DOT1L: variants seen among roughly 807,000 people sequenced by gnomAD.
DOT1L encodes the protein DOT1 like histone lysine methyltransferase.
DOT1L carries 33 observed loss-of-function variants against 153.3 expected under a neutral mutation model. That is an observed-to-expected ratio of 0.22 (90% CI 0.16 to 0.29). The LOEUF is 0.29. Ranked by LOEUF, DOT1L falls within the 10% of genes least tolerant of loss-of-function variation. The probability of loss-of-function intolerance (pLI) is 1.00; values close to 1 mark genes in which losing one functional copy is unlikely to be tolerated. For missense variants in DOT1L, 1,847 were observed against 2,119.9 expected, an observed-to-expected ratio of 0.87 and a Z score of 2.53; for synonymous variants, 1,135 against 965.1, an observed-to-expected ratio of 1.18 and a Z score of -3.26.
At chr19:2,176,415 A>T (rs541359127) in intron 1 of DOT1L, among the ~76,000 whole-genome samples, 3 of 152,324 alleles carry the variant, frequency 2.0e-5, no homozygotes, top group Admixed American at 2.0e-4. Flanking sequence ...GGAGTTGCAG[A>T]GCGAGTTCAC....
intron 27 of DOT1L, 155 bp from the exon 28 acceptor site, chr19:2,229,630 G>A (rs2024513111): frequency 1.0e-6 from 1 of 985,350 alleles, no homozygotes. Flanking sequence ...GTCGTCTGTT[G>A]TGGTTAGAGG....
chr19:2,227,258 G>A (rs1388211924), intron 27 of DOT1L, 131 bp downstream of exon 27: 5 of 1,203,074 alleles, frequency 4.2e-6, no homozygotes, highest in Admixed American at 3.4e-5. Flanking sequence ...GCCGGCCCCC[G>A]CCATCCGTGC....
chr19:2,210,634 A>G lies in DOT1L; in HGVS notation c.1130A>G (p.Glu377Gly), dbSNP rs752644289. 3.8e-5 allele frequency: 61 copies of G among 1,612,502 alleles called. No homozygotes were observed. Among genetic ancestry groups the G allele is most frequent in the Non-Finnish European group, 4.7e-5 (56 of 1,179,790 alleles). ...TGTGTCCTCCAGGACTCTGGTGCTG[A>G]GGAAGAGAAGGCGGGAGCAGCCACC... ...PADAPMDSGA[E>G]EEKAGAATVK... Residue 377 changes from glutamate (E) to glycine (G), a missense_variant, in exon 14 of 28, where the codon GAG becomes GGG. Physicochemically the swap from Glu to Gly is moderately conservative, Grantham distance 98. Transcript: ENST00000398665.
chr19:2,200,971 C>G lies in DOT1L; in HGVS notation c.707+1032C>G, dbSNP rs34439035. 3.5e-3 allele frequency among the ~76,000 whole-genome samples: 479 copies of G among 136,306 alleles called. 1 individual carries two copies. Among genetic ancestry groups the G allele is most frequent in the East Asian group, 0.015 (63 of 4,254 alleles). 89.4% of individuals were successfully genotyped at this position (136,306 alleles called of 152,430 possible). On this transcript the variant is annotated intron_variant, in intron 8 of 27. Coordinates refer to ENST00000398665, the MANE Select transcript of DOT1L (RefSeq NM_032482.3). ...CCTCGTCCTCCCCGCATTCCTCGTCCTCCCCTCATTCCTCGTCGTCCCCTC... is the reference window on the plus strand; with the variant it reads ...CCTCGTCCTCCCCGCATTCCTCGTCGTCCCCTCATTCCTCGTCGTCCCCTC...
chr19:2,217,671 G>T lies in DOT1L; in HGVS notation c.2545-101G>T. On this transcript the variant is annotated intron_variant, in intron 21 of 27. Coordinates refer to ENST00000398665, the MANE Select transcript of DOT1L (RefSeq NM_032482.3). This position sits in a 1 kb window ranked among gnomAD's most constrained non-coding sequence, Gnocchi z 7.3. ...GCAGGGCCTTGGCAGCGTGGGGGCC[G>T]CCTTGAGAGAGCTGTAGCAGGCCCC... The T allele has an allele frequency of 1.4e-6, 2 of 1,480,522 alleles. No individual in the cohort carries two copies. The highest frequency in any genetic ancestry group is 1.8e-6 in the Non-Finnish European group (2 of 1,104,358). The allele number at this position is 1,480,522 out of a possible 1,614,324, so 91.7% of individuals were successfully genotyped here.
intron 16 of DOT1L, chr19:2,213,220 G>A (rs560101555): frequency 5.9e-5 from 16 of 270,942 alleles, no homozygotes. Flanking sequence ...TCCATCCCCT[G>A]GTATTGCCTT....
chr19:2,202,438 A>C, intron 8 of DOT1L, among the ~76,000 whole-genome samples: 1 of 152,146 alleles, frequency 6.6e-6, no homozygotes. Context: ...TTCCCAGATC[A>C]CTGGACTCCA....
intron 9 of DOT1L, among the ~76,000 whole-genome samples, chr19:2,205,443 C>G (rs1005781779): frequency 2.6e-5 from 4 of 152,118 alleles, no homozygotes; most frequent in African/African-American, 9.7e-5. Flanking sequence ...CTTGCAGGTG[C>G]CTGGCTGACT....
intron 1 of DOT1L, among the ~76,000 whole-genome samples, chr19:2,173,042 T>C (rs551613298): frequency 6.6e-6 from 1 of 152,082 alleles, no homozygotes; most frequent in Admixed American, 6.5e-5. Flanking sequence ...TATTCACAGA[T>C]TGTGCAGTCG....
chr19:2,228,609 C>G, intron 27 of DOT1L: 1 of 985,378 alleles, frequency 1.0e-6, no homozygotes, highest in Non-Finnish European at 1.2e-6. Context: ...CAGCTGGGTT[C>G]CTGCGGTGAC....
chr19:2,185,952 G>T lies in DOT1L; in HGVS notation c.200+23G>T, dbSNP rs754835962. 3.1e-6 allele frequency: 5 copies of T among 1,610,336 alleles called. No homozygotes were observed. The African/African-American group carries it at 4.0e-5, about 13-fold the overall frequency. On this transcript the variant is annotated intron_variant, in intron 3 of 27. Coordinates refer to ENST00000398665, the MANE Select transcript of DOT1L (RefSeq NM_032482.3). ...AAGGTAAGCAGAGTCCTGTCCAGCC[G>T]CTCCGCTCCGAGGACAGACTCGGCT...
chr19:2,227,648 C>T (rs1353730975), intron 27 of DOT1L: 34 of 1,250,222 alleles, frequency 2.7e-5, no homozygotes, highest in Non-Finnish European at 3.5e-5. Context: ...CGCCGTTTCG[C>T]TTCCCTTTTT....
chr19:2,223,770 G>A (rs2024221442), intron 25 of DOT1L, among the ~76,000 whole-genome samples: 1 of 152,220 alleles, frequency 6.6e-6, no homozygotes, highest in Admixed American at 6.5e-5. Context: ...AGAAGCTTCA[G>A]CAGTGAGGCG....
chr19:2,175,002 ATATT>A lies in DOT1L; in HGVS notation c.82-5709_82-5706del, dbSNP rs1483172775. Among the ~76,000 whole-genome samples, 244 of 88,266 alleles carry A rather than the reference ATATT, an allele frequency of 2.8e-3. 3 individuals are homozygous for A. Among genetic ancestry groups the A allele is most frequent in the African/African-American group, 0.014 (225 of 15,606 alleles). 57.9% of individuals were successfully genotyped at this position (88,266 alleles called of 152,430 possible). A position where few individuals can be genotyped will look rare whatever the true frequency, so the allele number is the denominator to read the frequency against. ...TGTGTGTGTGTGTGTGTGTATATATATATTTTTTTTTTTTTAGATGGAGTCTTGC... is the reference window on the plus strand; with the variant it reads ...TGTGTGTGTGTGTGTGTGTATATATATTTTTTTTTTTAGATGGAGTCTTGC... On this transcript the variant is annotated intron_variant, in intron 1 of 27. Coordinates refer to ENST00000398665, the MANE Select transcript of DOT1L (RefSeq NM_032482.3).
intron 25 of DOT1L, among the ~76,000 whole-genome samples, chr19:2,224,718 A>G (rs1333766993): frequency 6.6e-6 from 1 of 151,948 alleles, no homozygotes; most frequent in African/African-American, 2.4e-5. Context: ...TCTGCCTCCC[A>G]GTGCCTCCCA....
chr19:2,198,099 CAG>C (rs1420990054), intron 7 of DOT1L, among the ~76,000 whole-genome samples: 1 of 152,246 alleles, frequency 6.6e-6, no homozygotes, highest in Non-Finnish European at 1.5e-5. Context: ...TTTGCAGGAA[CAG>C]CTTCGGCCCC....
chr19:2,200,877 C>G (rs190377880), intron 8 of DOT1L, among the ~76,000 whole-genome samples: 179 of 146,528 alleles, frequency 1.2e-3, no homozygotes, highest in Non-Finnish European at 2.3e-3. Context: ...CTGTATTCCT[C>G]TTCCTCCCCG....
chr19:2,179,076 G>A (rs544812496), intron 1 of DOT1L, among the ~76,000 whole-genome samples: 15 of 152,250 alleles, frequency 9.9e-5, no homozygotes, highest in Admixed American at 3.3e-4. Flanking sequence ...GGAAAGCTGG[G>A]GGGGGGTCTC....
At chr19:2,184,881 T>C (rs567188721) in intron 2 of DOT1L, among the ~76,000 whole-genome samples, 1 of 152,268 alleles carries the variant, frequency 6.6e-6, no homozygotes, top group East Asian at 1.9e-4. Flanking sequence ...CTCACGTTTT[T>C]AAGGGATAGT....
Sources: gnomAD v4.1 joint callset for allele counts (sites outside exome capture counted in the v4.1 genomes callset) on GRCh38, gnomAD v4.1.1 for gene constraint, Gnocchi (gnomAD v3.1) non-coding constraint, MANE v1.5 for transcripts, NCBI Gene and HGNC (gene_info 2026-07-23, HGNC 2026-07-21) for gene names.